CMSS1: variants seen among roughly 807,000 people sequenced by gnomAD.
CMSS1 encodes the protein protein CMSS1.
Under a neutral mutation model 43.5 loss-of-function variants are expected in CMSS1, and 33 were observed. The observed-to-expected ratio is 0.76, with a 90% CI of 0.57 to 1.01. CMSS1 has a LOEUF of 1.01. Ranked by LOEUF, CMSS1 falls within the 50% of genes least tolerant of loss-of-function variation. The pLI is 0.00. For missense variants in CMSS1, 313 were observed against 326.4 expected (o/e 0.96, Z 0.32); for synonymous variants, 115 against 117.2 (o/e 0.98, Z 0.12).
intron 1 of CMSS1, among the ~76,000 whole-genome samples, chr3:99,999,200 G>A (rs1474421452): frequency 2.6e-5 from 4 of 152,294 alleles, no homozygotes; most frequent in African/African-American, 9.6e-5. Flanking sequence ...ATCTCTAGGT[G>A]AGGAAGCATA....
chr3:100,074,042 G>C (rs1158406440), intron 1 of CMSS1, among the ~76,000 whole-genome samples: 2 of 152,082 alleles, frequency 1.3e-5, no homozygotes, highest in African/African-American at 4.8e-5. Context: ...ACTGTTAACT[G>C]CGGGAAAAGG....
At chr3:100,032,578 A>AT (rs1346635005) in intron 1 of CMSS1, among the ~76,000 whole-genome samples, 13 of 152,356 alleles carry the variant, frequency 8.5e-5, no homozygotes, top group Non-Finnish European at 1.3e-4. Flanking sequence ...CAGAAAATGC[A>AT]TTTTGTATCA....
At position 100,047,623 on chromosome 3, in the gene CMSS1, A is replaced by C. The variant is rs144588961; in HGVS notation, c.65-99350A>C. Among the ~76,000 whole-genome samples, 469 of 152,340 alleles carry C rather than the reference A, an allele frequency of 3.1e-3. 4 individuals are homozygous for C. Among genetic ancestry groups the C allele is most frequent in the African/African-American group, 0.011 (444 of 41,580 alleles). ...TTATGCCTCCGCAAACAGTGATTCA[A>C]CTGCAGGTGTCTGTCAAGAGACAGT... On this transcript the variant is annotated intron_variant, in intron 1 of 9. Transcript: ENST00000421999.
chr3:100,128,039 A>G (rs1031336152), intron 1 of CMSS1, among the ~76,000 whole-genome samples: 4 of 152,210 alleles, frequency 2.6e-5, no homozygotes, highest in Non-Finnish European at 5.9e-5. Context: ...CCTATATGAC[A>G]GCCAAGGAAC....
At chr3:100,148,150 C>T (rs973677961) in intron 2 of CMSS1, among the ~76,000 whole-genome samples, 7 of 152,186 alleles carry the variant, frequency 4.6e-5, no homozygotes, top group African/African-American at 1.7e-4. Flanking sequence ...ACAATCATGG[C>T]TTACTGCAGG....
At position 99,881,376 on chromosome 3, in the gene CMSS1, C is replaced by A. The variant is rs182717435; in HGVS notation, c.64+63333C>A. Among the ~76,000 whole-genome samples, 7 of 152,070 alleles carry A rather than the reference C, an allele frequency of 4.6e-5. No individual in the cohort carries two copies. In the East Asian group the frequency reaches 1.3e-3, roughly 29 times the overall value. ...AATGTTGAACTCACAAGTATTACTG[C>A]AGAAGTGAAAAAAAACCCCCAAATC... On this transcript the variant is annotated intron_variant, in intron 1 of 9. Transcript: ENST00000421999.
At chr3:99,920,693 T>C (rs1707097747) in intron 1 of CMSS1, among the ~76,000 whole-genome samples, 1 of 152,104 alleles carries the variant, frequency 6.6e-6, no homozygotes, top group Non-Finnish European at 1.5e-5. Flanking sequence ...AGCCAATTGC[T>C]TACTGATTAC....
chr3:100,019,223 A>G (rs909429987), intron 1 of CMSS1, among the ~76,000 whole-genome samples: 5 of 152,296 alleles, frequency 3.3e-5, no homozygotes, highest in African/African-American at 1.2e-4. Context: ...GTAGCCTGGT[A>G]TGGTGGCACA....
intron 1 of CMSS1, among the ~76,000 whole-genome samples, chr3:99,853,788 T>C (rs561650525): frequency 1.3e-5 from 2 of 152,316 alleles, no homozygotes; most frequent in East Asian, 1.9e-4. Flanking sequence ...GCCACTCTCA[T>C]GAGCGCACCA....
intron 1 of CMSS1, among the ~76,000 whole-genome samples, chr3:99,894,023 G>A (rs1370622560): frequency 6.6e-6 from 1 of 152,144 alleles, no homozygotes; most frequent in African/African-American, 2.4e-5. Context: ...GGAGGAGGAA[G>A]GCCAGTTAAC....
rs980898964 is a variant in CMSS1 at position 100,179,233 on chromosome 3, C to T, written c.*845C>T. 1.3e-5 allele frequency: 2 copies of T among 152,284 alleles called. No individual in the cohort carries two copies. The highest frequency in any genetic ancestry group is 1.9e-4 in the East Asian group (1 of 5,182). 9.4% of individuals were successfully genotyped at this position (152,284 alleles called of 1,614,324 possible). A position where few individuals can be genotyped will look rare whatever the true frequency, so the allele number is the denominator to read the frequency against. ...GAGCCAAACCATGTCAATTCCACCCCGGCCTCTTCCAAATTTCATGTTCTT... is the reference window on the plus strand; with the variant it reads ...GAGCCAAACCATGTCAATTCCACCCTGGCCTCTTCCAAATTTCATGTTCTT... On this transcript the variant is annotated 3_prime_UTR_variant, in exon 10 of 10. Transcript: ENST00000421999.
chr3:99,971,333 C>CA (rs34655586), intron 1 of CMSS1, among the ~76,000 whole-genome samples: 82,045 of 121,226 alleles, frequency 0.68, 26,468 homozygotes, highest in East Asian at 0.79. Flanking sequence ...GAGCCCATCT[C>CA]AAAAAAAAAA....
chr3:100,036,080 C>T (rs554113493), intron 1 of CMSS1, among the ~76,000 whole-genome samples: 3 of 152,194 alleles, frequency 2.0e-5, no homozygotes, highest in Non-Finnish European at 2.9e-5. Flanking sequence ...CATCTCTATA[C>T]ATTGCATAAA....
intron 1 of CMSS1, among the ~76,000 whole-genome samples, chr3:100,117,832 TATATATATATATATATATATAC>T (rs1460822052): frequency 1.2e-4 from 11 of 90,360 alleles, no homozygotes; most frequent in East Asian, 2.9e-4. Context: ...GCAGTATATA[TATATATATATATATATATATAC>T]ATATATATAT....
chr3:99,987,677 C>A lies in CMSS1; in HGVS notation c.65-159296C>A, dbSNP rs548339689. Among the ~76,000 whole-genome samples the A allele has an allele frequency of 2.6e-5, 4 of 152,198 alleles. No individual in the cohort carries two copies. In the South Asian group the frequency reaches 8.3e-4, roughly 32 times the overall value. ...CTAACAATTCTGTTATTAACATGAC[C>A]CAAAGTCAGAATTAGTTTAGCACAG... On this transcript the variant is annotated intron_variant, in intron 1 of 9. Transcript: ENST00000421999.
intron 1 of CMSS1, among the ~76,000 whole-genome samples, chr3:99,994,290 G>A (rs1242078253): frequency 2.0e-5 from 3 of 152,014 alleles, no homozygotes; most frequent in Non-Finnish European, 4.4e-5. Context: ...TAATAGTAGG[G>A]GACTTTATTG....
chr3:99,859,417 A>G (rs1339385362), intron 1 of CMSS1, among the ~76,000 whole-genome samples: 1 of 152,242 alleles, frequency 6.6e-6, no homozygotes, highest in Non-Finnish European at 1.5e-5. Flanking sequence ...CAGTCACCCT[A>G]GTCCTAAGTA....
chr3:100,088,712 C>G (rs1240522830), intron 1 of CMSS1, among the ~76,000 whole-genome samples: 1 of 152,016 alleles, frequency 6.6e-6, no homozygotes, highest in Non-Finnish European at 1.5e-5. Flanking sequence ...TCTTGCTAAT[C>G]CTGACATATT....
At chr3:100,016,852 T>A (rs1349264527) in intron 1 of CMSS1, among the ~76,000 whole-genome samples, 1 of 152,262 alleles carries the variant, frequency 6.6e-6, no homozygotes, top group Non-Finnish European at 1.5e-5. Flanking sequence ...TTTCATGACA[T>A]CTTAGTCTAT....
Sources: allele counts gnomAD v4.1 joint callset (sites outside exome capture counted in the v4.1 genomes callset), GRCh38; gene constraint gnomAD v4.1.1; transcripts MANE v1.5; gene names NCBI Gene and HGNC (gene_info 2026-07-23, HGNC 2026-07-21).